The following LRRIQ4 variants were observed in gnomAD, a reference collection of about 807,000 sequenced individuals.
LRRIQ4 encodes the protein leucine-rich repeat and IQ domain-containing protein 4.
Under a neutral mutation model 40.1 loss-of-function variants are expected in LRRIQ4, and 21 were observed. The observed-to-expected ratio is 0.52, with a 90% CI of 0.37 to 0.75. LRRIQ4 has a LOEUF of 0.75. Among genes scored for constraint, LRRIQ4 ranks in the 30% least tolerant of loss-of-function variants. The pLI, the probability that LRRIQ4 is intolerant of heterozygous loss-of-function variation, is 0.00. For missense variants in LRRIQ4, 655 were observed against 660.0 expected (o/e 0.99, Z 0.08); for synonymous variants, 277 against 277.1 (o/e 1.00, Z 0.00).
chr3:169,837,409 A>T (rs1780331641), intron 5 of LRRIQ4, 70 bp from the exon 6 acceptor site: 1 of 1,485,442 alleles, frequency 6.7e-7, no homozygotes, highest in East Asian at 2.4e-5. Flanking sequence ...TATCAGAATA[A>T]AGAGATTTAA....
intron 5 of LRRIQ4, among the ~76,000 whole-genome samples, chr3:169,836,424 T>A (rs1477834355): frequency 6.6e-6 from 1 of 152,140 alleles, no homozygotes; most frequent in Non-Finnish European, 1.5e-5. Context: ...TGGAGTCTGG[T>A]GAAGGCCCTC....
chr3:169,830,248 A>G (rs1780131042), intron 3 of LRRIQ4, among the ~76,000 whole-genome samples: 1 of 151,524 alleles, frequency 6.6e-6, no homozygotes. Flanking sequence ...AGATGTCTGT[A>G]GTCTCTTTTC....
intron 1 of LRRIQ4, among the ~76,000 whole-genome samples, chr3:169,814,391 C>T (rs933381762): frequency 2.6e-5 from 4 of 152,206 alleles, no homozygotes; most frequent in African/African-American, 9.6e-5. Flanking sequence ...CTCTGTTCCT[C>T]TCAATGTCCA....
intron 2 of LRRIQ4, among the ~76,000 whole-genome samples, chr3:169,826,119 C>T (rs927396753): frequency 5.3e-5 from 8 of 152,082 alleles, no homozygotes; most frequent in African/African-American, 1.7e-4. Flanking sequence ...AGGCCACGTG[C>T]GGTGACTCAC....
chr3:169,836,593 T>C (rs1780307992), intron 5 of LRRIQ4, among the ~76,000 whole-genome samples: 1 of 152,194 alleles, frequency 6.6e-6, no homozygotes, highest in African/African-American at 2.4e-5. Context: ...TGACCTCATA[T>C]AAATCTAATC....
In LRRIQ4 at chr3:169,822,483, T is replaced by C. The variant is rs959985037; in HGVS notation, c.562T>C (p.Tyr188His). The change falls in exon 2 of 6, where the codon TAC (tyrosine) becomes CAC (histidine). Residue 188 changes from tyrosine to histidine, a missense_variant. By Grantham distance (83) the Tyr-to-His change is moderately conservative. Coordinates refer to ENST00000340806, the MANE Select transcript of LRRIQ4 (RefSeq NM_001080460.3). Reference sequence around the variant, plus strand: ...TTTCCCCCAGGAGCTCTGTGTTCTCTACACCCTGGAAATCATTGACCTGGA... The same window carrying C: ...TTTCCCCCAGGAGCTCTGTGTTCTCCACACCCTGGAAATCATTGACCTGGA... ...EVFPQELCVL[Y>H]TLEIIDLDEN... The C allele has an allele frequency of 1.9e-6, 3 of 1,613,886 alleles. No homozygotes were observed. Among genetic ancestry groups the C allele is most frequent in the African/African-American group, 1.3e-5 (1 of 74,924 alleles).
chr3:169,814,638 A>G (rs1485110955), intron 1 of LRRIQ4, among the ~76,000 whole-genome samples: 2 of 151,980 alleles, frequency 1.3e-5, no homozygotes, highest in East Asian at 3.9e-4. Context: ...GGCGCCCCCC[A>G]CTACGCCCAG....
At chr3:169,822,987 C>T in intron 2 of LRRIQ4, 46 bp downstream of exon 2, 1 of 1,449,464 alleles carries the variant, frequency 6.9e-7, no homozygotes, top group Non-Finnish European at 9.1e-7. Context: ...ATCCAGGGTC[C>T]TTCCTGCCCT....
intron 5 of LRRIQ4, 60 bp downstream of exon 5, chr3:169,833,243 A>C: frequency 7.2e-7 from 1 of 1,397,212 alleles, no homozygotes; most frequent in Non-Finnish European, 9.8e-7. Context: ...TGGTAAACAC[A>C]GTACAGATTA....
chr3:169,830,738 T>C, intron 4 of LRRIQ4, 108 bp downstream of exon 4: 1 of 1,353,386 alleles, frequency 7.4e-7, no homozygotes, highest in Non-Finnish European at 1.0e-6. Flanking sequence ...TTCAGAGAAC[T>C]GAGTCTATCC....
At chr3:169,832,954 G>T in intron 4 of LRRIQ4, 33 bp from the exon 5 acceptor site, 2 of 1,579,532 alleles carry the variant, frequency 1.3e-6, no homozygotes, top group Non-Finnish European at 1.7e-6. Flanking sequence ...TTTCTTCTAA[G>T]ATTGAACCAC....
Position 169,831,348 on chromosome 3 carries a change from C to A in LRRIQ4, c.1333+718C>A, listed in dbSNP as rs539444549. Reference sequence around the variant, plus strand: ...GAGTGCAGTGGCGTGATCTCGGCTCCCTGCAAACTCTGCCTCCCGGGTTCA... The same window carrying A: ...GAGTGCAGTGGCGTGATCTCGGCTCACTGCAAACTCTGCCTCCCGGGTTCA... On this transcript the variant is annotated intron_variant, in intron 4 of 5. Coordinates refer to ENST00000340806, the MANE Select transcript of LRRIQ4 (RefSeq NM_001080460.3). Among the ~76,000 whole-genome samples the A allele has an allele frequency of 3.9e-3, 549 of 139,576 alleles. 2 individuals carry two copies. Among genetic ancestry groups the A allele is most frequent in the African/African-American group, 0.013 (492 of 37,396 alleles). 91.6% of individuals were successfully genotyped at this position (139,576 alleles called of 152,430 possible).
intron 5 of LRRIQ4, among the ~76,000 whole-genome samples, chr3:169,834,932 A>G (rs1780271982): frequency 6.6e-6 from 1 of 152,088 alleles, no homozygotes; most frequent in African/African-American, 2.4e-5. Flanking sequence ...AATAATTATT[A>G]GACATATAGG....
chr3:169,828,440 G>T (rs1311266741), intron 2 of LRRIQ4, among the ~76,000 whole-genome samples: 1 of 152,148 alleles, frequency 6.6e-6, no homozygotes, highest in African/African-American at 2.4e-5. Flanking sequence ...CGCCATGTTG[G>T]CCAGGCTGGT....
chr3:169,830,867 G>A (rs9882101), intron 4 of LRRIQ4, among the ~76,000 whole-genome samples: 75,016 of 152,004 alleles, frequency 0.49, 19,816 homozygotes, highest in East Asian at 0.74. Context: ...GGTAAATAGC[G>A]ACTGCTAAGA....
At chr3:169,815,901 G>A (rs758407651) in intron 1 of LRRIQ4, among the ~76,000 whole-genome samples, 4 of 152,146 alleles carry the variant, frequency 2.6e-5, no homozygotes, top group Non-Finnish European at 4.4e-5. Flanking sequence ...ATGATCATAT[G>A]GTTTTTGTCC....
intron 2 of LRRIQ4, among the ~76,000 whole-genome samples, chr3:169,823,656 A>C (rs1450911517): frequency 6.6e-6 from 1 of 152,082 alleles, no homozygotes; most frequent in Non-Finnish European, 1.5e-5. Flanking sequence ...CAGGGTCTAT[A>C]TTCTTAACAA....
intron 1 of LRRIQ4, among the ~76,000 whole-genome samples, chr3:169,815,266 A>C (rs889525717): frequency 2.0e-5 from 3 of 152,208 alleles, no homozygotes; most frequent in African/African-American, 2.4e-5. Context: ...CTAATCCAAG[A>C]ACATAAAATA....
intron 1 of LRRIQ4, among the ~76,000 whole-genome samples, chr3:169,818,036 C>T (rs1399048170): frequency 6.6e-6 from 1 of 152,160 alleles, no homozygotes; most frequent in Non-Finnish European, 1.5e-5. Flanking sequence ...CCAGAACTCA[C>T]GTTCCACCCA....
Sources: allele counts gnomAD v4.1 joint callset (sites outside exome capture counted in the v4.1 genomes callset), GRCh38; gene constraint gnomAD v4.1.1; transcripts MANE v1.5; gene names NCBI Gene and HGNC (gene_info 2026-07-23, HGNC 2026-07-21).